The following SRRM4 variants were observed in gnomAD, a reference collection of about 807,000 sequenced individuals.
SRRM4 encodes serine/arginine repetitive matrix protein 4.
A neutral mutation model predicts 68.9 loss-of-function variants in SRRM4; 33 were observed. The observed-to-expected ratio is 0.48, with a 90% confidence interval of 0.36 to 0.64. The LOEUF (loss-of-function observed/expected upper bound fraction) is 0.64. Among genes scored for constraint, SRRM4 ranks in the 30% least tolerant of loss-of-function variants. The pLI, the probability that SRRM4 is intolerant of heterozygous loss-of-function variation, is 0.00. For synonymous variants in SRRM4, 318 were observed against 318.8 expected, an observed-to-expected ratio of 1.00 and a Z score of 0.03; for missense variants, 817 against 827.1, an observed-to-expected ratio of 0.99 and a Z score of 0.15.
In SRRM4 at chr12:118,981,697, T is replaced by C. The variant is rs891399209; in HGVS notation, c.-186T>C. 1.6e-6 allele frequency: 1 copy of C among 633,516 alleles called. No individual in the cohort carries two copies. Among genetic ancestry groups the C allele is most frequent in the Non-Finnish European group, 2.6e-6 (1 of 377,470 alleles). 39.2% of individuals were successfully genotyped at this position (633,516 alleles called of 1,614,324 possible). On this transcript the variant is annotated 5_prime_UTR_variant, in exon 1 of 13. Coordinates refer to ENST00000267260, the MANE Select transcript of SRRM4 (RefSeq NM_194286.4). ...GCGAAGAAAGCCCAGCGGACGAGCCTCCTTTCTCTGCTGCCTGCCCGGGCT... is the reference window on the plus strand; with the variant it reads ...GCGAAGAAAGCCCAGCGGACGAGCCCCCTTTCTCTGCTGCCTGCCCGGGCT...
chr12:119,094,660 G>A (rs1954032592), intron 1 of SRRM4, among the ~76,000 whole-genome samples: 1 of 152,170 alleles, frequency 6.6e-6, no homozygotes. Flanking sequence ...TCATCTGCTA[G>A]AAACACATTC....
intron 1 of SRRM4, among the ~76,000 whole-genome samples, chr12:119,093,220 T>C (rs1027839048): frequency 3.3e-5 from 5 of 152,242 alleles, no homozygotes; most frequent in African/African-American, 1.2e-4. Flanking sequence ...CCTCCACCCA[T>C]TGCAGTACAA....
chr12:119,057,716 T>C (rs982008749), intron 1 of SRRM4, among the ~76,000 whole-genome samples: 13 of 152,202 alleles, frequency 8.5e-5, no homozygotes, highest in Non-Finnish European at 1.6e-4. Context: ...TACCCAGTAA[T>C]AGGATTGCTA....
chr12:119,011,688 C>T (rs765786926), intron 1 of SRRM4, among the ~76,000 whole-genome samples: 1 of 152,188 alleles, frequency 6.6e-6, no homozygotes, highest in Non-Finnish European at 1.5e-5. Flanking sequence ...GGGTTTGGGG[C>T]GTGGCAGAGC....
rs1953247884 is a variant in SRRM4, at chr12:118,981,691, C to G, written c.-192C>G. ...AGAAGGGCGAAGAAAGCCCAGCGGA[C>G]GAGCCTCCTTTCTCTGCTGCCTGCC... is the stretch of plus-strand genomic sequence containing the variant. On this transcript the variant is annotated 5_prime_UTR_variant, in exon 1 of 13. Coordinates refer to ENST00000267260, the MANE Select transcript of SRRM4 (RefSeq NM_194286.4). The G allele has an allele frequency of 1.6e-6, 1 of 613,508 alleles. No homozygotes were observed. Among genetic ancestry groups the G allele is most frequent in the East Asian group, 3.0e-5 (1 of 33,720 alleles). 38.0% of individuals were successfully genotyped at this position (613,508 alleles called of 1,614,324 possible). A position where few individuals can be genotyped will look rare whatever the true frequency, so the allele number is the denominator to read the frequency against.
chr12:119,040,565 A>G (rs1479440809), intron 1 of SRRM4, among the ~76,000 whole-genome samples: 2 of 152,124 alleles, frequency 1.3e-5, no homozygotes, highest in Non-Finnish European at 2.9e-5. Flanking sequence ...TCCATTGTGT[A>G]TATATACCAC....
rs138169678 is a variant in SRRM4, at chr12:119,118,663, G to A, written c.438-1587G>A. Among the ~76,000 whole-genome samples the A allele has an allele frequency of 5.2e-3, 785 of 152,338 alleles. 4 individuals are homozygous for A. The highest frequency in any genetic ancestry group is 7.8e-3 in the Admixed American group (120 of 15,298). ...GCAATGGCCCACACTTATGATTCTA[G>A]ATGGCCACCTTATCACCTCCCTTTG... On this transcript the variant is annotated intron_variant, in intron 4 of 12. Coordinates refer to ENST00000267260, the MANE Select transcript of SRRM4 (RefSeq NM_194286.4).
chr12:119,086,430 C>T (rs1291390215), intron 1 of SRRM4, among the ~76,000 whole-genome samples: 3 of 152,186 alleles, frequency 2.0e-5, no homozygotes, highest in Non-Finnish European at 4.4e-5. Flanking sequence ...GGAAACAAGA[C>T]TCTGTCTTCA....
At chr12:118,999,523 A>G (rs905810897) in intron 1 of SRRM4, among the ~76,000 whole-genome samples, 1 of 152,222 alleles carries the variant, frequency 6.6e-6, no homozygotes, top group African/African-American at 2.4e-5. Flanking sequence ...AAGAGTCTCA[A>G]ATTATGAAAT....
At chr12:119,106,769 A>G (rs1337207987) in intron 2 of SRRM4, among the ~76,000 whole-genome samples, 1 of 152,150 alleles carries the variant, frequency 6.6e-6, no homozygotes, top group Non-Finnish European at 1.5e-5. Context: ...GGACATTTTG[A>G]CTTCCTCTTT....
chr12:119,005,500 T>C (rs1322187865), intron 1 of SRRM4, among the ~76,000 whole-genome samples: 1 of 152,138 alleles, frequency 6.6e-6, no homozygotes, highest in Non-Finnish European at 1.5e-5. Flanking sequence ...GTGATCCTAA[T>C]GTGCACCACT....
intron 7 of SRRM4, among the ~76,000 whole-genome samples, chr12:119,129,483 C>T (rs1205748979): frequency 6.6e-6 from 1 of 152,056 alleles, no homozygotes; most frequent in Non-Finnish European, 1.5e-5. Flanking sequence ...GTCTTTATTT[C>T]ACAGATGGCA....
At chr12:119,034,567 TTAAAG>T (rs1436177162) in intron 1 of SRRM4, among the ~76,000 whole-genome samples, 1 of 152,250 alleles carries the variant, frequency 6.6e-6, no homozygotes, top group Non-Finnish European at 1.5e-5. Context: ...CTGAAGAATG[TTAAAG>T]TAGTCTAATA....
intron 1 of SRRM4, among the ~76,000 whole-genome samples, chr12:119,004,727 C>T (rs1953405541): frequency 6.6e-6 from 1 of 151,944 alleles, no homozygotes; most frequent in Admixed American, 6.5e-5. Context: ...CTCGGCTCCC[C>T]CAGACTCAGA....
chr12:119,154,096 C>T lies in SRRM4; in HGVS notation c.1392-147C>T. 1 of 710,060 alleles carries T rather than the reference C, an allele frequency of 1.4e-6. No homozygotes were observed. Among genetic ancestry groups the T allele is most frequent in the Non-Finnish European group, 2.4e-6 (1 of 421,796 alleles). The allele number at this position is 710,060 out of a possible 1,614,324, so 44.0% of individuals were successfully genotyped here. Reference sequence around the variant, plus strand: ...AGACTCTTACCGCAGCCCCGTCATCCTCCCTCCGGTCTCCCTTGCGGCAAC... The same window carrying T: ...AGACTCTTACCGCAGCCCCGTCATCTTCCCTCCGGTCTCCCTTGCGGCAAC... On this transcript the variant is annotated intron_variant, in intron 11 of 12. Coordinates refer to ENST00000267260, the MANE Select transcript of SRRM4 (RefSeq NM_194286.4). The surrounding 1 kb of genome is among the most constrained non-coding windows in gnomAD (Gnocchi z 4.7).
At chr12:118,987,668 G>A (rs559732415) in intron 1 of SRRM4, among the ~76,000 whole-genome samples, 1 of 152,266 alleles carries the variant, frequency 6.6e-6, no homozygotes, top group South Asian at 2.1e-4. Context: ...GCTGCTGTGA[G>A]GACTGGATGA....
chr12:119,053,419 A>G (rs1953757055), intron 1 of SRRM4, among the ~76,000 whole-genome samples: 1 of 152,222 alleles, frequency 6.6e-6, no homozygotes, highest in African/African-American at 2.4e-5. Context: ...TTGTGTGGGC[A>G]GCTGAGGCTT....
Position 119,154,560 on chromosome 12 carries a change from AC to A in SRRM4, c.1532+178del, listed in dbSNP as rs1954460859. On this transcript the variant is annotated intron_variant, in intron 12 of 12. Transcript: ENST00000267260. The surrounding 1 kb of genome is among the most constrained non-coding windows in gnomAD (Gnocchi z 4.7). Reference sequence around the variant, plus strand: ...TTACGTGTCTGTTCAAAGCCTTGGGACTGAGTCTCCCAGCTCAACCAGCAGG... The same window carrying A: ...TTACGTGTCTGTTCAAAGCCTTGGGATGAGTCTCCCAGCTCAACCAGCAGG... Among the ~76,000 whole-genome samples the A allele has an allele frequency of 6.6e-6, 1 of 152,124 alleles. No individual in the cohort carries two copies. Among genetic ancestry groups the A allele is most frequent in the Non-Finnish European group, 1.5e-5 (1 of 68,012 alleles).
intron 1 of SRRM4, among the ~76,000 whole-genome samples, chr12:119,057,271 A>G (rs1356764137): frequency 6.6e-6 from 1 of 152,170 alleles, no homozygotes; most frequent in Non-Finnish European, 1.5e-5. Flanking sequence ...GTGGTTTGCT[A>G]CAAAGATCAA....
Sources: gnomAD v4.1 joint callset for allele counts (sites outside exome capture counted in the v4.1 genomes callset) on GRCh38, gnomAD v4.1.1 for gene constraint, Gnocchi (gnomAD v3.1) non-coding constraint, MANE v1.5 for transcripts, NCBI Gene and HGNC (gene_info 2026-07-23, HGNC 2026-07-21) for gene names.